Variants in SMC5 observed in about 807,000 individuals in gnomAD.
SMC5 encodes the protein structural maintenance of chromosomes protein 5.
Under a neutral mutation model 148.3 loss-of-function variants are expected in SMC5, and 88 were observed. The ratio of observed to expected loss-of-function variants is 0.59; its 90% CI spans 0.50 to 0.71. The LOEUF (loss-of-function observed/expected upper bound fraction) is 0.71. Among genes scored for constraint, SMC5 ranks in the 30% least tolerant of loss-of-function variants. The pLI is 0.00. For synonymous variants in SMC5, 421 were observed against 432.8 expected, an observed-to-expected ratio of 0.97 and a Z score of 0.34; for missense variants, 1,142 against 1,298.9, an observed-to-expected ratio of 0.88 and a Z score of 1.86.
At chr9:70,291,861 A>G (rs1386715943) in intron 8 of SMC5, among the ~76,000 whole-genome samples, 2 of 150,766 alleles carry the variant, frequency 1.3e-5, no homozygotes, top group Admixed American at 1.3e-4. Flanking sequence ...TTTTTTTGCC[A>G]TTATAAAAGA....
intron 8 of SMC5, among the ~76,000 whole-genome samples, chr9:70,292,289 T>A (rs944305156): frequency 1.3e-5 from 2 of 152,220 alleles, no homozygotes; most frequent in Non-Finnish European, 2.9e-5. Context: ...CTATGTTGAA[T>A]CTTCTGGTCT....
In SMC5 at chr9:70,300,374, G is replaced by T. The variant is rs146066783; in HGVS notation, c.1464+174G>T. On this transcript the variant is annotated intron_variant, in intron 10 of 24. Coordinates refer to ENST00000361138, the MANE Select transcript of SMC5 (RefSeq NM_015110.4). ...TTTAAAGGTCCCCTGATCAATGAGG[G>T]TAATAACTGTCATAAAACCTGTGCT... 3.9e-3 allele frequency among the ~76,000 whole-genome samples: 598 copies of T among 152,172 alleles called. 3 individuals carry two copies. The highest frequency in any genetic ancestry group is 0.013 in the African/African-American group (553 of 41,546).
chr9:70,353,573 T>C lies in SMC5; in HGVS notation c.*1242T>C, dbSNP rs940406117. 6.6e-6 allele frequency: 1 copy of C among 152,190 alleles called. No homozygotes were observed. The highest frequency in any genetic ancestry group is 6.5e-5 in the Admixed American group (1 of 15,286). The allele number at this position is 152,190 out of a possible 1,614,324, so 9.4% of individuals were successfully genotyped here. ...TTGCCTGAATAAATTGAAGAATTGC[T>C]TTCAGTTTGGGTTTTGTATATTCTT... On this transcript the variant is annotated 3_prime_UTR_variant, in exon 25 of 25. Coordinates refer to ENST00000361138, the MANE Select transcript of SMC5 (RefSeq NM_015110.4).
chr9:70,330,173 T>G (rs2036183560), intron 17 of SMC5, among the ~76,000 whole-genome samples: 2 of 152,320 alleles, frequency 1.3e-5, no homozygotes, highest in South Asian at 4.1e-4. Context: ...TCTAAGTCGC[T>G]AAAACAGGGT....
intron 3 of SMC5, among the ~76,000 whole-genome samples, chr9:70,275,911 A>G (rs1325974927): frequency 1.3e-5 from 2 of 152,154 alleles, no homozygotes; most frequent in Non-Finnish European, 2.9e-5. Context: ...AGGCTTTCTT[A>G]GTCATCCAAA....
At chr9:70,296,937 A>G (rs2035217645) in intron 8 of SMC5, among the ~76,000 whole-genome samples, 1 of 152,238 alleles carries the variant, frequency 6.6e-6, no homozygotes, top group Non-Finnish European at 1.5e-5. Flanking sequence ...GAATCTAAGC[A>G]TATAGACTGA....
intron 15 of SMC5, 49 bp from the exon 16 acceptor site, chr9:70,323,434 A>C (rs1219839307): frequency 6.6e-7 from 1 of 1,511,360 alleles, no homozygotes; most frequent in East Asian, 2.4e-5. Context: ...ATTTGGGATC[A>C]ATTCTTATGT....
At chr9:70,333,931 G>C (rs1475792155) in intron 17 of SMC5, among the ~76,000 whole-genome samples, 1 of 152,088 alleles carries the variant, frequency 6.6e-6, no homozygotes, top group Non-Finnish European at 1.5e-5. Flanking sequence ...TATAGAAATT[G>C]ACTTATTCTA....
intron 8 of SMC5, among the ~76,000 whole-genome samples, chr9:70,287,541 G>C (rs748834089): frequency 2.0e-5 from 3 of 152,112 alleles, no homozygotes; most frequent in Admixed American, 2.0e-4. Flanking sequence ...ACCTGCCTTG[G>C]GGGTAGACAT....
intron 3 of SMC5, among the ~76,000 whole-genome samples, chr9:70,273,388 ATAT>A (rs2034503226): frequency 6.6e-6 from 1 of 152,072 alleles, no homozygotes; most frequent in Admixed American, 6.5e-5. Flanking sequence ...TTTACTATAT[ATAT>A]TATTTTATAC....
At chr9:70,290,013 A>T (rs934881497) in intron 8 of SMC5, among the ~76,000 whole-genome samples, 1 of 152,126 alleles carries the variant, frequency 6.6e-6, no homozygotes, top group Non-Finnish European at 1.5e-5. Context: ...TGCACTTTAG[A>T]GCATTTTGGA....
intron 11 of SMC5, among the ~76,000 whole-genome samples, chr9:70,309,856 CT>C (rs1167066714): frequency 1.3e-5 from 2 of 152,114 alleles, no homozygotes; most frequent in African/African-American, 4.8e-5. Context: ...AATGATGAAT[CT>C]TTTTTAGGGG....
intron 15 of SMC5, among the ~76,000 whole-genome samples, chr9:70,322,602 G>T (rs895110298): frequency 4.6e-5 from 7 of 152,110 alleles, no homozygotes; most frequent in African/African-American, 1.7e-4. Context: ...TTGGGAGGCC[G>T]AGGTGCGTGG....
chr9:70,296,434 C>T (rs1418411896), intron 8 of SMC5, among the ~76,000 whole-genome samples: 2 of 151,918 alleles, frequency 1.3e-5, no homozygotes, highest in Non-Finnish European at 2.9e-5. Flanking sequence ...TGGTGGCACA[C>T]GCCTGTGGTC....
At chr9:70,304,355 A>G (rs2035442217) in intron 10 of SMC5, among the ~76,000 whole-genome samples, 1 of 152,052 alleles carries the variant, frequency 6.6e-6, no homozygotes, top group African/African-American at 2.4e-5. Context: ...TGTTGGGGTT[A>G]TCAGTGCTAC....
chr9:70,337,117 C>T (rs992245298), intron 17 of SMC5, among the ~76,000 whole-genome samples: 3 of 152,250 alleles, frequency 2.0e-5, no homozygotes, highest in Admixed American at 6.5e-5. Flanking sequence ...CAGGTCCCTG[C>T]CACAACACGT....
At chr9:70,309,910 C>T (rs2035614801) in intron 11 of SMC5, among the ~76,000 whole-genome samples, 1 of 152,180 alleles carries the variant, frequency 6.6e-6, no homozygotes, top group Non-Finnish European at 1.5e-5. Context: ...AGTGCAGTGG[C>T]ACAATCTTGG....
intron 15 of SMC5, among the ~76,000 whole-genome samples, chr9:70,322,340 G>C (rs916833173): frequency 6.6e-6 from 1 of 152,014 alleles, no homozygotes; most frequent in African/African-American, 2.4e-5. Flanking sequence ...CTTTCTCCTC[G>C]TAAAGTAATG....
At chr9:70,346,894 T>C (rs2036678988) in intron 19 of SMC5, among the ~76,000 whole-genome samples, 172 bp from the exon 20 acceptor site, 1 of 152,224 alleles carries the variant, frequency 6.6e-6, no homozygotes, top group African/African-American at 2.4e-5. Flanking sequence ...TTGTTTTCTT[T>C]AAAGTACAAG....
Sources: gnomAD v4.1 joint callset for allele counts (sites outside exome capture counted in the v4.1 genomes callset) on GRCh38, gnomAD v4.1.1 for gene constraint, MANE v1.5 for transcripts, NCBI Gene and HGNC (gene_info 2026-07-23, HGNC 2026-07-21) for gene names.